The following SIGLEC1 variants were observed in gnomAD, a reference collection of about 807,000 sequenced individuals.
SIGLEC1 encodes sialoadhesin.
In SIGLEC1, 132 loss-of-function variants were observed where a neutral mutation model predicts 148.0. That is an observed-to-expected ratio of 0.89 (90% CI 0.77 to 1.03). SIGLEC1 has a LOEUF of 1.03. Ranked by LOEUF, SIGLEC1 falls within the 50% of genes least tolerant of loss-of-function variation. SIGLEC1 has a pLI of 0.00. For synonymous variants in SIGLEC1, 945 were observed against 969.0 expected, an observed-to-expected ratio of 0.98 and a Z score of 0.46; for missense variants, 2,253 against 2,271.4, an observed-to-expected ratio of 0.99 and a Z score of 0.16.
chr20:3,697,386 A>G (rs745498301), intron 9 of SIGLEC1, 44 bp from the exon 10 acceptor site: 2 of 1,607,390 alleles, frequency 1.2e-6, no homozygotes, highest in Non-Finnish European at 1.7e-6. Flanking sequence ...CCCGGCCCCC[A>G]GGAGCCAGGG....
At position 3,703,839 on chromosome 20, in the gene SIGLEC1, C is replaced by G; in HGVS notation, c.959G>C (p.Ser320Thr). Residue 320 changes from serine to threonine, a missense_variant, in exon 5 of 22, where the codon AGC becomes ACC. Physicochemically the swap from Ser to Thr is moderately conservative, Grantham distance 58. Coordinates refer to ENST00000344754, the MANE Select transcript of SIGLEC1 (RefSeq NM_023068.4). The part of the protein sequence containing the change: ...GVGSLVSPPI[S>T]LHIFMAEVQV... The stretch of plus-strand genomic sequence containing the variant: ...CAAGAACTCACTGAAGATGTGGAGG[C>G]TGATGGGGGGTGAGACCAAAGAGCC... 6.2e-7 allele frequency: 1 copy of G among 1,614,000 alleles called. No individual in the cohort carries two copies. Among genetic ancestry groups the G allele is most frequent in the Non-Finnish European group, 8.5e-7 (1 of 1,180,020 alleles).
Position 3,691,342 on chromosome 20 carries a change from A to C in SIGLEC1, c.4589T>G (p.Leu1530Arg). The C allele has an allele frequency of 6.2e-7, 1 of 1,613,430 alleles. No individual in the cohort carries two copies. Among genetic ancestry groups the C allele is most frequent in the Non-Finnish European group, 8.5e-7 (1 of 1,179,964 alleles). Residue 1530 changes from leucine to arginine, a missense_variant and splice_region_variant, in exon 18 of 22, where the codon CTC becomes CGC. Coordinates refer to ENST00000344754, the MANE Select transcript of SIGLEC1 (RefSeq NM_023068.4). The part of the protein sequence containing the change: ...AASAPVMLRV[L>R]YPPKTPTMMV... ...CGGAGGAGGGGGTTCACACTCACAG[A>C]GCACACGGAGCATGACTGGAGCAGA... is the stretch of plus-strand genomic sequence containing the variant.
Position 3,705,905 on chromosome 20 carries a change from C to T in SIGLEC1, c.545G>A (p.Arg182His), listed in dbSNP as rs199500382. 3.9e-5 allele frequency: 63 copies of T among 1,614,160 alleles called. No individual in the cohort carries two copies. The East Asian group carries it at 9.6e-4, about 25-fold the overall frequency. ...CTTCTGGCTGTTGAAGGTGACAGAG[C>T]GAGCAGGGTCCTGGCCTTGCCACTG... is the stretch of plus-strand genomic sequence containing the variant. ...RLQWQGQDPARSVTFNSQKFE... is the reference protein window; with the variant it reads ...RLQWQGQDPAHSVTFNSQKFE... The change falls in exon 4 of 22, where the codon CGC becomes CAC. Residue 182 changes from arginine to histidine, a missense_variant. Physicochemically the swap from Arg to His is conservative, Grantham distance 29 (BLOSUM62 0). Coordinates refer to ENST00000344754, the MANE Select transcript of SIGLEC1 (RefSeq NM_023068.4).
At chr20:3,699,112 G>A in intron 8 of SIGLEC1, 90 bp downstream of exon 8, 2 of 1,461,610 alleles carry the variant, frequency 1.4e-6, no homozygotes, top group Non-Finnish European at 1.9e-6. Flanking sequence ...ATAGACCGTG[G>A]GGCAGGGCAG....
At chr20:3,703,026 T>C in intron 6 of SIGLEC1, 171 bp downstream of exon 6, 2 of 658,874 alleles carry the variant, frequency 3.0e-6, no homozygotes, top group Admixed American at 2.8e-5. Flanking sequence ...AGGAGGGAAC[T>C]AGGGAGGTCA....
chr20:3,698,964 G>A (rs1286199548), intron 8 of SIGLEC1, among the ~76,000 whole-genome samples: 7 of 152,362 alleles, frequency 4.6e-5, no homozygotes, highest in South Asian at 4.1e-4. Context: ...GCTTGAGGCT[G>A]GGACAGAGGA....
intron 4 of SIGLEC1, among the ~76,000 whole-genome samples, chr20:3,705,093 T>C (rs1472371895): frequency 6.6e-6 from 1 of 151,466 alleles, no homozygotes; most frequent in Non-Finnish European, 1.5e-5. Context: ...ACCCCCGGGG[T>C]TCAAGCAATC....
rs1297262723 is a variant in SIGLEC1, at chr20:3,712,514, A to G, written c.-154T>C. 6.6e-6 allele frequency among the ~76,000 whole-genome samples: 1 copy of G among 152,002 alleles called. No homozygotes were observed. Among genetic ancestry groups the G allele is most frequent in the African/African-American group, 2.4e-5 (1 of 41,372 alleles). ...GGCTGCGGCGGTGCTGGACCTGCGG[A>G]GAGGAGAACAGGAAGGACGGCCAAG... On this transcript the variant is annotated 5_prime_UTR_variant, in exon 1 of 22. Coordinates refer to ENST00000344754, the MANE Select transcript of SIGLEC1 (RefSeq NM_023068.4).
rs1420762059 is a variant in SIGLEC1 at position 3,692,971 on chromosome 20, G to C, written c.3669C>G (p.Thr1223=). 3 of 1,612,512 alleles carry C rather than the reference G, an allele frequency of 1.9e-6. No individual in the cohort carries two copies. Among genetic ancestry groups the C allele is most frequent in the African/African-American group, 1.3e-5 (1 of 74,934 alleles). Residue 1223 remains threonine (T), a synonymous_variant, in exon 15 of 22, where the codon ACC becomes ACG. Coordinates refer to ENST00000344754, the MANE Select transcript of SIGLEC1 (RefSeq NM_023068.4). ...ASSTAASVPN[T]LRLELRGPQP... is the part of the protein sequence containing the mutation. ...GTGGCCCTCGCAGCTCCAGGCGCAG[G>C]GTGTTGGGGACAGAGGCTGCTGTCG...
At chr20:3,700,920 C>T (rs1354131537) in intron 7 of SIGLEC1, among the ~76,000 whole-genome samples, 2 of 151,754 alleles carry the variant, frequency 1.3e-5, no homozygotes, top group Non-Finnish European at 2.9e-5. Flanking sequence ...AGGATGGTCT[C>T]GATCTCTTGA....
chr20:3,690,824 C>CTTTTTTTTTTTT lies in SIGLEC1; in HGVS notation c.4591+515_4591+516insAAAAAAAAAAAA, dbSNP rs200631809. ...TTCTTTTGGTTTTTTCTCTTCTTTTCTTTTCTTTTTTTTTTTTTTTTCTTG... is the reference window on the plus strand; with the variant it reads ...TTCTTTTGGTTTTTTCTCTTCTTTTCTTTTTTTTTTTTTTTTCTTTTTTTTTTTTTTTTCTTG... On this transcript the variant is annotated intron_variant, in intron 18 of 21. Coordinates refer to ENST00000344754, the MANE Select transcript of SIGLEC1 (RefSeq NM_023068.4). 5.5e-5 allele frequency among the ~76,000 whole-genome samples: 7 copies of CTTTTTTTTTTTT among 126,870 alleles called. 1 individual carries two copies. The highest frequency in any genetic ancestry group is 2.3e-4 in the African/African-American group (7 of 29,856). 83.2% of individuals were successfully genotyped at this position (126,870 alleles called of 152,430 possible).
rs866201554 is a variant in SIGLEC1 at position 3,689,674 on chromosome 20, C to A, written c.4923G>T (p.Gln1641His). 1 of 1,586,484 alleles carries A rather than the reference C, an allele frequency of 6.3e-7. No homozygotes were observed. Among genetic ancestry groups the A allele is most frequent in the African/African-American group, 1.3e-5 (1 of 74,672 alleles). ...RALHRLHQFQQLLWVLGLLVG... is the reference protein window; with the variant it reads ...RALHRLHQFQHLLWVLGLLVG... ...CCAGCAGTCCCAGGACCCAGAGCAG[C>A]TGCTGGAACTGATGCAGGCGGTGCA... Residue 1641 changes from glutamine (Q) to histidine (H), a missense_variant, in exon 20 of 22, where the codon CAG becomes CAT. Gln to His is a conservative substitution (Grantham distance 24, BLOSUM62 0). Transcript: ENST00000344754.
chr20:3,697,776 A>G, intron 9 of SIGLEC1, 22 bp downstream of exon 9: 1 of 1,607,928 alleles, frequency 6.2e-7, no homozygotes, highest in Non-Finnish European at 8.5e-7. Context: ...CCCCCAGGCC[A>G]CCCATTCCCT....
chr20:3,696,141 A>ACACACACACACACACAC (rs371507046), intron 11 of SIGLEC1, among the ~76,000 whole-genome samples: 37 of 145,186 alleles, frequency 2.5e-4, no homozygotes, highest in African/African-American at 9.4e-4. Context: ...CACACACACA[A>ACACACACACACACACAC]ACACACACAC....
intron 21 of SIGLEC1, chr20:3,688,930 C>T: frequency 1.7e-6 from 1 of 603,268 alleles, no homozygotes. Context: ...TCCAGAAAGT[C>T]TCCCCTAGTC....
chr20:3,712,132 G>A (rs2056442434), intron 1 of SIGLEC1, among the ~76,000 whole-genome samples: 1 of 151,270 alleles, frequency 6.6e-6, no homozygotes, highest in African/African-American at 2.4e-5. Context: ...GGGATTAGAT[G>A]AGATGAGTAA....
At position 3,691,333 on chromosome 20, in the gene SIGLEC1, C is replaced by T. The variant is rs2088759331; in HGVS notation, c.4591+7G>A. On this transcript the variant is annotated splice_region_variant and intron_variant, in intron 18 of 21. Coordinates refer to ENST00000344754, the MANE Select transcript of SIGLEC1 (RefSeq NM_023068.4). Reference sequence around the variant, plus strand: ...AGACTAAGGCGGAGGAGGGGGTTCACACTCACAGAGCACACGGAGCATGAC... The same window carrying T: ...AGACTAAGGCGGAGGAGGGGGTTCATACTCACAGAGCACACGGAGCATGAC... The T allele has an allele frequency of 9.3e-6, 15 of 1,613,082 alleles. No individual in the cohort carries two copies. Among genetic ancestry groups the T allele is most frequent in the Non-Finnish European group, 1.3e-5 (15 of 1,179,722 alleles).
intron 10 of SIGLEC1, 61 bp from the exon 11 acceptor site, chr20:3,696,949 C>T (rs2087806443): frequency 6.5e-6 from 10 of 1,532,736 alleles, no homozygotes; most frequent in East Asian, 2.3e-5. Flanking sequence ...AACTGCCACA[C>T]TATGTCCCCC....
rs770941649 is a variant in SIGLEC1 at position 3,690,050 on chromosome 20, C to T, written c.4806G>A (p.Ala1602=). The change falls in exon 19 of 22, where the codon GCG becomes GCA. Residue 1602 remains alanine, a synonymous_variant. Transcript: ENST00000344754. ...ATTCCCCTTGGTCGCTGGGCCTCAG[C>T]GCCTCGATGTCCACCCTCAGGGCAT... ...SPNALRVDIE[A]LRPSDQGEYI... is the part of the protein sequence containing the mutation. 124 of 1,612,132 alleles carry T rather than the reference C, an allele frequency of 7.7e-5. No individual in the cohort carries two copies. The highest frequency in any genetic ancestry group is 8.6e-5 in the Non-Finnish European group (101 of 1,179,444).
Sources: allele counts gnomAD v4.1 joint callset (sites outside exome capture counted in the v4.1 genomes callset), GRCh38; gene constraint gnomAD v4.1.1; transcripts MANE v1.5; gene names NCBI Gene and HGNC (gene_info 2026-07-23, HGNC 2026-07-21).